Variants in SLC6A11 observed in about 807,000 individuals in gnomAD.
The protein encoded by SLC6A11 is sodium- and chloride-dependent GABA transporter 3.
SLC6A11 carries 25 observed loss-of-function variants against 74.8 expected under a neutral mutation model. That is an observed-to-expected ratio of 0.33 (90% CI 0.24 to 0.47). The LOEUF is 0.47. SLC6A11 is among the 20% of genes least tolerant of loss of function. The pLI, the probability that SLC6A11 is intolerant of heterozygous loss-of-function variation, is 1.00. For missense variants in SLC6A11, 574 were observed against 837.0 expected, an observed-to-expected ratio of 0.69 and a Z score of 3.88; for synonymous variants, 330 against 330.2, an observed-to-expected ratio of 1.00 and a Z score of 0.01.
At chr3:10,903,418 C>T (rs1011899547) in intron 6 of SLC6A11, among the ~76,000 whole-genome samples, 1 of 152,180 alleles carries the variant, frequency 6.6e-6, no homozygotes, top group African/African-American at 2.4e-5. Context: ...AACTCATCTC[C>T]CATACCCCTC....
At chr3:10,902,384 A>G (rs900643567) in intron 6 of SLC6A11, among the ~76,000 whole-genome samples, 1 of 152,248 alleles carries the variant, frequency 6.6e-6, no homozygotes, top group African/African-American at 2.4e-5. Context: ...GCAGTTCAGC[A>G]TTTGGTGCTT....
chr3:10,909,293 G>A (rs1013030087), intron 6 of SLC6A11, among the ~76,000 whole-genome samples: 6 of 152,040 alleles, frequency 3.9e-5, no homozygotes, highest in South Asian at 2.1e-4. Context: ...TGCTGTTACC[G>A]AAAAAGGAAA....
At chr3:10,866,176 A>G (rs1048256870) in intron 5 of SLC6A11, among the ~76,000 whole-genome samples, 2 of 152,176 alleles carry the variant, frequency 1.3e-5, no homozygotes, top group African/African-American at 4.8e-5. Context: ...AGATGGCCCA[A>G]GACTGTTTTC....
intron 6 of SLC6A11, among the ~76,000 whole-genome samples, chr3:10,886,731 A>G (rs1391962651): frequency 1.3e-5 from 2 of 150,728 alleles, no homozygotes; most frequent in East Asian, 3.9e-4. Flanking sequence ...TGCTTAAACC[A>G]GGGAGGTGGA....
chr3:10,873,971 T>TGCTACGCTACGCTAC lies in SLC6A11; in HGVS notation c.757-980_757-966dup, dbSNP rs762939574. The stretch of plus-strand genomic sequence containing the variant: ...TCCTATGCTATGCTACGCTATGCTA[T>TGCTACGCTACGCTAC]GCTACGCTACGCTACGCTACGCTAT... On this transcript the variant is annotated intron_variant, in intron 5 of 13. Coordinates refer to ENST00000254488, the MANE Select transcript of SLC6A11 (RefSeq NM_014229.3). Among the ~76,000 whole-genome samples, 11 of 130,516 alleles carry TGCTACGCTACGCTAC rather than the reference T, an allele frequency of 8.4e-5. 1 individual carries two copies. The highest frequency in any genetic ancestry group is 4.3e-4 in the East Asian group (2 of 4,648). The allele number at this position is 130,516 out of a possible 152,430, so 85.6% of individuals were successfully genotyped here.
intron 6 of SLC6A11, among the ~76,000 whole-genome samples, chr3:10,909,719 CAG>C (rs1695361797): frequency 6.6e-6 from 1 of 152,258 alleles, no homozygotes; most frequent in South Asian, 2.1e-4. Flanking sequence ...TTTCCTGGGT[CAG>C]CAGCTGCACT....
At chr3:10,841,137 A>G (rs1032662825) in intron 4 of SLC6A11, among the ~76,000 whole-genome samples, 1 of 152,190 alleles carries the variant, frequency 6.6e-6, no homozygotes, top group African/African-American at 2.4e-5. Flanking sequence ...ACTTATGTAA[A>G]TGGATCCCTC....
chr3:10,840,285 T>C (rs2106583039), intron 4 of SLC6A11, among the ~76,000 whole-genome samples: 2 of 152,334 alleles, frequency 1.3e-5, no homozygotes, highest in South Asian at 4.1e-4. Flanking sequence ...TCCTGGCTTT[T>C]GCCCTTGGGG....
At chr3:10,870,375 G>T (rs899257276) in intron 5 of SLC6A11, among the ~76,000 whole-genome samples, 1 of 152,208 alleles carries the variant, frequency 6.6e-6, no homozygotes, top group Non-Finnish European at 1.5e-5. Context: ...AAGGGTAGCA[G>T]ATAGAGGGGT....
At chr3:10,833,272 G>T (rs866518060) in intron 4 of SLC6A11, among the ~76,000 whole-genome samples, 1 of 152,158 alleles carries the variant, frequency 6.6e-6, no homozygotes, top group African/African-American at 2.4e-5. Flanking sequence ...ATGTTGGCCA[G>T]GCTGGTCTCA....
intron 5 of SLC6A11, among the ~76,000 whole-genome samples, chr3:10,851,563 G>A (rs1220832041): frequency 3.3e-5 from 5 of 152,220 alleles, no homozygotes; most frequent in East Asian, 1.9e-4. Context: ...TTGTCTGGAG[G>A]ATGGTCATTG....
rs147702921 is a variant in SLC6A11, at chr3:10,856,723, C to T, written c.756+12377C>T. ...AAGTGCTTATGATGTGCCGGGTACCCGTGGTGGGCTGGGTAATTTGAAAAT... is the reference window on the plus strand; with the variant it reads ...AAGTGCTTATGATGTGCCGGGTACCTGTGGTGGGCTGGGTAATTTGAAAAT... On this transcript the variant is annotated intron_variant, in intron 5 of 13. Coordinates refer to ENST00000254488, the MANE Select transcript of SLC6A11 (RefSeq NM_014229.3). Among the ~76,000 whole-genome samples, 105 of 152,256 alleles carry T rather than the reference C, an allele frequency of 6.9e-4. No homozygotes were observed. In the East Asian group the frequency reaches 0.018, roughly 26 times the overall value.
At chr3:10,849,505 A>G (rs2106588621) in intron 5 of SLC6A11, among the ~76,000 whole-genome samples, 1 of 152,326 alleles carries the variant, frequency 6.6e-6, no homozygotes, top group East Asian at 1.9e-4. Context: ...AAAGAAAAAT[A>G]CCAAAAACAT....
intron 5 of SLC6A11, among the ~76,000 whole-genome samples, chr3:10,859,147 G>A (rs1169889967): frequency 6.6e-6 from 1 of 152,180 alleles, no homozygotes; most frequent in Non-Finnish European, 1.5e-5. Context: ...GAATAGGAGG[G>A]GGCTGAGACC....
At chr3:10,891,141 G>A (rs929545435) in intron 6 of SLC6A11, among the ~76,000 whole-genome samples, 3 of 152,164 alleles carry the variant, frequency 2.0e-5, no homozygotes, top group Admixed American at 6.5e-5. Flanking sequence ...TATTTGCTCA[G>A]ATGTCCCTAT....
intron 6 of SLC6A11, among the ~76,000 whole-genome samples, chr3:10,894,816 C>G (rs1049110138): frequency 6.6e-6 from 1 of 152,136 alleles, no homozygotes; most frequent in African/African-American, 2.4e-5. Flanking sequence ...CACAAAAAAA[C>G]CAAGGCAATG....
intron 4 of SLC6A11, among the ~76,000 whole-genome samples, chr3:10,842,606 A>C (rs1185912282): frequency 6.6e-6 from 1 of 152,248 alleles, no homozygotes; most frequent in Non-Finnish European, 1.5e-5. Flanking sequence ...CCTTTCTTTC[A>C]TAAATAACTT....
intron 8 of SLC6A11, among the ~76,000 whole-genome samples, chr3:10,921,624 T>A (rs1469298755): frequency 6.6e-6 from 1 of 152,090 alleles, no homozygotes; most frequent in Non-Finnish European, 1.5e-5. Context: ...AATAGTAGAC[T>A]TAAATCCAAC....
chr3:10,876,576 C>G (rs1419120218), intron 6 of SLC6A11, among the ~76,000 whole-genome samples: 6 of 152,082 alleles, frequency 3.9e-5, no homozygotes, highest in Admixed American at 3.9e-4. Flanking sequence ...TACCTTGGAG[C>G]TGGTTAAAAA....
Sources: gnomAD v4.1 joint callset for allele counts (sites outside exome capture counted in the v4.1 genomes callset) on GRCh38, gnomAD v4.1.1 for gene constraint, MANE v1.5 for transcripts, NCBI Gene and HGNC (gene_info 2026-07-23, HGNC 2026-07-21) for gene names.